EYA4: variants seen among roughly 807,000 people sequenced by gnomAD.
The protein encoded by EYA4 is protein phosphatase EYA4.
Under a neutral mutation model 87.9 loss-of-function variants are expected in EYA4, and 31 were observed. That is an observed-to-expected ratio of 0.35 (90% CI 0.27 to 0.48). EYA4 has a LOEUF of 0.48. Ranked by LOEUF, EYA4 falls within the 20% of genes least tolerant of loss-of-function variation. EYA4 has a pLI of 0.99. For missense variants in EYA4, 678 were observed against 761.4 expected, an observed-to-expected ratio of 0.89 and a Z score of 1.29; for synonymous variants, 263 against 270.6, an observed-to-expected ratio of 0.97 and a Z score of 0.28.
At chr6:133,257,082 T>C (rs1775398869) in intron 1 of EYA4, among the ~76,000 whole-genome samples, 1 of 152,158 alleles carries the variant, frequency 6.6e-6, no homozygotes, top group Non-Finnish European at 1.5e-5. Context: ...CTTGCTAACT[T>C]AAGTACTGTA....
intron 2 of EYA4, among the ~76,000 whole-genome samples, chr6:133,356,310 A>G (rs944400356): frequency 6.6e-6 from 1 of 152,184 alleles, no homozygotes; most frequent in Non-Finnish European, 1.5e-5. Flanking sequence ...ATTAAAGTCA[A>G]GAGTTATACT....
chr6:133,443,397 T>C (rs1201957022), intron 3 of EYA4, among the ~76,000 whole-genome samples: 1 of 152,060 alleles, frequency 6.6e-6, no homozygotes, highest in Non-Finnish European at 1.5e-5. Context: ...TGATTTTGTG[T>C]GTCTTTGAAT....
chr6:133,482,945 T>C lies in EYA4; in HGVS notation c.1108-87T>C. The C allele has an allele frequency of 4.6e-6, 5 of 1,088,764 alleles. No individual in the cohort carries two copies. In the South Asian group the frequency reaches 6.6e-5, roughly 14 times the overall value. 67.4% of individuals were successfully genotyped at this position (1,088,764 alleles called of 1,614,324 possible). On this transcript the variant is annotated intron_variant, in intron 12 of 19. Transcript: ENST00000355286. ...TCTATTAAATGATATCAAGATGATC[T>C]CTAGGAAGGGAGACATTTTCTGCTT...
At chr6:133,250,827 T>C (rs1192494294) in intron 1 of EYA4, among the ~76,000 whole-genome samples, 3 of 152,122 alleles carry the variant, frequency 2.0e-5, no homozygotes, top group South Asian at 2.1e-4. Flanking sequence ...AGTAAATATA[T>C]GTAAATATAT....
Position 133,483,067 on chromosome 6 carries a change from T to C in EYA4, c.1143T>C (p.Ile381=). The C allele has an allele frequency of 1.2e-6, 2 of 1,613,486 alleles. No homozygotes were observed. Among genetic ancestry groups the C allele is most frequent in the South Asian group, 1.1e-5 (1 of 91,016 alleles). ...VFVWDLDETI[I]VFHSLLTGSY... ...TCTGGGATTTGGATGAAACCATCAT[T>C]GTTTTTCACTCACTGCTCACCGGGT... Residue 381 remains isoleucine (I), a synonymous_variant, in exon 13 of 20, where the codon ATT becomes ATC. Transcript: ENST00000355286.
At chr6:133,368,519 C>T (rs1267659948) in intron 2 of EYA4, among the ~76,000 whole-genome samples, 1 of 152,172 alleles carries the variant, frequency 6.6e-6, no homozygotes, top group African/African-American at 2.4e-5. Context: ...TTCAGTTGAA[C>T]TTTAAAAATA....
rs368829664 is a variant in EYA4, at chr6:133,524,073, G to A, written c.1738+896G>A. On this transcript the variant is annotated intron_variant, in intron 18 of 19. Coordinates refer to ENST00000355286, the MANE Select transcript of EYA4 (RefSeq NM_004100.5). ...TACAGTTAAGGAGAGCCAAGCTTCC[G>A]TAGAGTAAATTTCACATTGTCATAA... Among the ~76,000 whole-genome samples, 11 of 152,230 alleles carry A rather than the reference G, an allele frequency of 7.2e-5. No individual in the cohort carries two copies. The East Asian group carries it at 1.9e-3, about 27-fold the overall frequency.
chr6:133,464,912 A>T, intron 10 of EYA4, 54 bp downstream of exon 10: 1 of 1,222,968 alleles, frequency 8.2e-7, no homozygotes, highest in Non-Finnish European at 1.2e-6. Flanking sequence ...ATTTTTGAAG[A>T]GTACTCTCAG....
chr6:133,302,848 T>C (rs1390195701), intron 2 of EYA4, among the ~76,000 whole-genome samples: 2 of 152,250 alleles, frequency 1.3e-5, no homozygotes, highest in Admixed American at 6.5e-5. Context: ...ATTAGCAATA[T>C]CAACCACAGA....
chr6:133,524,906 G>A, intron 18 of EYA4: 1 of 914,678 alleles, frequency 1.1e-6, no homozygotes, highest in Non-Finnish European at 1.8e-6. Flanking sequence ...AAACCCAGAG[G>A]TTGTGAGCCA....
At chr6:133,273,282 G>A (rs902533629) in intron 1 of EYA4, among the ~76,000 whole-genome samples, 1 of 151,866 alleles carries the variant, frequency 6.6e-6, no homozygotes, top group Non-Finnish European at 1.5e-5. Context: ...ATGTAGGCTG[G>A]GAAGCTAGGC....
At chr6:133,334,506 T>C (rs1782219132) in intron 2 of EYA4, among the ~76,000 whole-genome samples, 1 of 152,204 alleles carries the variant, frequency 6.6e-6, no homozygotes, top group South Asian at 2.1e-4. Context: ...TATTAGTAAT[T>C]GTGATTAGCA....
intron 2 of EYA4, among the ~76,000 whole-genome samples, chr6:133,318,574 T>C (rs1439236012): frequency 6.6e-6 from 1 of 152,016 alleles, no homozygotes; most frequent in Admixed American, 6.6e-5. Flanking sequence ...CTTTTTATTC[T>C]GCTACCCAGA....
At chr6:133,364,323 T>C (rs1196642239) in intron 2 of EYA4, among the ~76,000 whole-genome samples, 2 of 152,138 alleles carry the variant, frequency 1.3e-5, no homozygotes, top group Admixed American at 6.5e-5. Context: ...TTTATATAGA[T>C]GGTAAGGGCC....
At chr6:133,478,216 G>C (rs1274579761) in intron 11 of EYA4, among the ~76,000 whole-genome samples, 2 of 152,046 alleles carry the variant, frequency 1.3e-5, no homozygotes, top group Non-Finnish European at 2.9e-5. Context: ...TAATACACTG[G>C]AAAGAGAGTA....
intron 17 of EYA4, among the ~76,000 whole-genome samples, chr6:133,517,384 G>T (rs1310488309): frequency 6.6e-6 from 1 of 151,802 alleles, no homozygotes; most frequent in African/African-American, 2.4e-5. Context: ...ATAAAAGTTG[G>T]AAAAGAAAAG....
At chr6:133,497,953 C>T (rs181478562) in intron 13 of EYA4, among the ~76,000 whole-genome samples, 10 of 152,248 alleles carry the variant, frequency 6.6e-5, no homozygotes, top group Non-Finnish European at 1.5e-5. Context: ...TTTTAGACAA[C>T]ATCTCATATT....
chr6:133,307,133 G>A (rs933468242), intron 2 of EYA4, among the ~76,000 whole-genome samples: 1 of 152,180 alleles, frequency 6.6e-6, no homozygotes, highest in African/African-American at 2.4e-5. Flanking sequence ...TGAATGTGAG[G>A]CGAGTTTCAT....
At chr6:133,462,510 A>T in intron 8 of EYA4, 33 bp downstream of exon 8, 10 of 1,613,764 alleles carry the variant, frequency 6.2e-6, no homozygotes, top group Non-Finnish European at 8.5e-6. Context: ...TTCTTTGGTT[A>T]TAGGCAGGTA....
Sources: allele counts gnomAD v4.1 joint callset (sites outside exome capture counted in the v4.1 genomes callset), GRCh38; gene constraint gnomAD v4.1.1; transcripts MANE v1.5; gene names NCBI Gene and HGNC (gene_info 2026-07-23, HGNC 2026-07-21).